Variants in AKNA observed in about 807,000 individuals in gnomAD.
AKNA encodes microtubule organization protein AKNA.
In AKNA, 67 loss-of-function variants were observed where a neutral mutation model predicts 138.8. The observed-to-expected ratio is 0.48, with a 90% CI of 0.40 to 0.59. The LOEUF (loss-of-function observed/expected upper bound fraction) is 0.59. AKNA is among the 20% of genes least tolerant of loss of function. AKNA has a pLI of 0.00. For missense variants in AKNA, 1,813 were observed against 1,880.4 expected (o/e 0.96, Z 0.66); for synonymous variants, 737 against 754.4 (o/e 0.98, Z 0.38).
At chr9:114,339,823 G>A (rs1455728963) in intron 21 of AKNA, among the ~76,000 whole-genome samples, 8 of 152,218 alleles carry the variant, frequency 5.3e-5, no homozygotes, top group African/African-American at 1.4e-4. Context: ...CATACCGGGC[G>A]CGGTGGCTAC....
chr9:114,360,130 T>C (rs762435517), intron 9 of AKNA, 68 bp from the exon 10 acceptor site: 1 of 1,601,048 alleles, frequency 6.2e-7, no homozygotes, highest in South Asian at 1.1e-5. Context: ...AGCACTTACC[T>C]CCTGCCAGGC....
chr9:114,343,582 T>C, intron 19 of AKNA, 126 bp downstream of exon 19: 1 of 946,198 alleles, frequency 1.1e-6, no homozygotes, highest in South Asian at 1.5e-5. Context: ...TCCTCTTCCC[T>C]GGTCTGTCCC....
intron 1 of AKNA, among the ~76,000 whole-genome samples, chr9:114,385,830 T>C (rs959223914): frequency 6.6e-6 from 1 of 152,188 alleles, no homozygotes; most frequent in African/African-American, 2.4e-5. Flanking sequence ...TAGTGCCAAC[T>C]ACCTGCCAAC....
chr9:114,358,329 CA>C, intron 11 of AKNA, 162 bp from the exon 12 acceptor site: 1 of 878,610 alleles, frequency 1.1e-6, no homozygotes, highest in Non-Finnish European at 1.7e-6. Context: ...TGACCTAGGG[CA>C]AGGCACTTCC....
chr9:114,395,715 C>G (rs1338505973), upstream of AKNA, among the ~76,000 whole-genome samples: 1 of 142,214 alleles, frequency 7.0e-6, no homozygotes, highest in Non-Finnish European at 1.5e-5. Flanking sequence ...TCCCCCAACA[C>G]CCTTCACCTG....
intron 14 of AKNA, 85 bp downstream of exon 14, chr9:114,355,840 T>C (rs1326259595): frequency 1.5e-6 from 2 of 1,358,844 alleles, no homozygotes; most frequent in Non-Finnish European, 2.0e-6. Context: ...CTGGCTAATA[T>C]GTCATATCCT....
intron 18 of AKNA, chr9:114,345,648 CAG>C (rs1830630181): frequency 1.9e-6 from 1 of 522,304 alleles, no homozygotes; most frequent in East Asian, 3.4e-5. Context: ...GGGGAAGCAT[CAG>C]AAAGTGTTTG....
In AKNA at chr9:114,337,259, C is replaced by T. The variant is rs752928987; in HGVS notation, c.4115G>A (p.Trp1372Ter). 1.9e-6 allele frequency: 3 copies of T among 1,549,334 alleles called. No homozygotes were observed. Among genetic ancestry groups the T allele is most frequent in the Admixed American group, 3.7e-5 (2 of 53,668 alleles). Residue 1372 changes from tryptophan (W) to a stop codon, truncating the protein, a stop_gained, in exon 22 of 22, where the codon TGG becomes TAG. Transcript: ENST00000374088. LOFTEE classifies it low-confidence loss of function (END_TRUNC). ...GPTSAQPAAK[W>*]PPTASPPPAR... ...TGGTGGGGGAGAGGCTGTGGGCGGC[C>T]ACTTGGCAGCTGGTTGGGCTGAGGT... is the stretch of plus-strand genomic sequence containing the variant.
chr9:114,369,125 T>A (rs1832584365), intron 4 of AKNA, among the ~76,000 whole-genome samples: 1 of 152,190 alleles, frequency 6.6e-6, no homozygotes, highest in Non-Finnish European at 1.5e-5. Flanking sequence ...AACAAACTAA[T>A]CTGCCATTGG....
intron 2 of AKNA, among the ~76,000 whole-genome samples, chr9:114,378,207 G>A (rs887571952): frequency 3.9e-5 from 6 of 152,168 alleles, no homozygotes; most frequent in Admixed American, 1.3e-4. Flanking sequence ...TGGGGGCTAC[G>A]CATGTGCGCA....
chr9:114,350,363 A>C (rs1831020964), intron 15 of AKNA, among the ~76,000 whole-genome samples: 1 of 152,210 alleles, frequency 6.6e-6, no homozygotes, highest in Admixed American at 6.5e-5. Context: ...TGTGTAAGTG[A>C]TCACTGGCCA....
At chr9:114,358,866 C>G (rs543825502) in intron 11 of AKNA, among the ~76,000 whole-genome samples, 1 of 151,798 alleles carries the variant, frequency 6.6e-6, no homozygotes, top group Admixed American at 6.6e-5. Context: ...GGAGATATAC[C>G]TAATGTTAAA....
At chr9:114,392,623 A>G (rs1230058786), upstream of AKNA, among the ~76,000 whole-genome samples, 4 of 152,266 alleles carry the variant, frequency 2.6e-5, no homozygotes, top group Admixed American at 1.3e-4. Context: ...CTGTTCACAA[A>G]TAAATGGCCT....
intron 12 of AKNA, 80 bp downstream of exon 12, chr9:114,357,841 A>G: frequency 1.3e-6 from 2 of 1,565,738 alleles, no homozygotes; most frequent in East Asian, 2.3e-5. Context: ...TAGCACAAGG[A>G]AAGACCCAGA....
At chr9:114,370,464 A>G (rs574345883) in intron 4 of AKNA, among the ~76,000 whole-genome samples, 3 of 152,256 alleles carry the variant, frequency 2.0e-5, no homozygotes, top group African/African-American at 7.2e-5. Context: ...AGGGACCGAT[A>G]AGGAGTTTGA....
intron 2 of AKNA, 53 bp downstream of exon 2, chr9:114,381,007 T>A: frequency 1.7e-6 from 2 of 1,184,634 alleles, no homozygotes; most frequent in Admixed American, 3.6e-5. Context: ...AAAAAGAACG[T>A]GTGATGTTTT....
intron 15 of AKNA, among the ~76,000 whole-genome samples, chr9:114,349,213 G>C (rs758305805): frequency 1.3e-5 from 2 of 152,198 alleles, no homozygotes; most frequent in African/African-American, 2.4e-5. Context: ...GGGGGCGTGA[G>C]TCAGCCACTT....
At chr9:114,364,751 A>G (rs779116010) in intron 6 of AKNA, 132 bp from the exon 7 acceptor site, 99 of 936,354 alleles carry the variant, frequency 1.1e-4, no homozygotes, top group Non-Finnish European at 1.6e-4. Flanking sequence ...CCAAGCATGG[A>G]GACGTGGGTG....
chr9:114,332,536 A>G (rs1044604747), downstream of AKNA, among the ~76,000 whole-genome samples: 1 of 152,140 alleles, frequency 6.6e-6, no homozygotes, highest in African/African-American at 2.4e-5. Flanking sequence ...CAGTACTTCC[A>G]TGACTATTCA....
Sources: gnomAD v4.1 joint callset for allele counts (sites outside exome capture counted in the v4.1 genomes callset) on GRCh38, gnomAD v4.1.1 for gene constraint, MANE v1.5 for transcripts, NCBI Gene and HGNC (gene_info 2026-07-23, HGNC 2026-07-21) for gene names.